The following ROBO2 variants were observed in gnomAD, a reference collection of about 807,000 sequenced individuals.
ROBO2 encodes the protein roundabout guidance receptor 2, also known as roundabout homolog 2.
In ROBO2, 53 loss-of-function variants were observed where a neutral mutation model predicts 160.8. That is an observed-to-expected ratio of 0.33 (90% CI 0.26 to 0.41). The LOEUF (loss-of-function observed/expected upper bound fraction) is 0.41, where lower values mean the gene tolerates loss of function less well. ROBO2 is among the 10% of genes least tolerant of loss of function. The pLI is 1.00. For missense variants in ROBO2, 1,577 were observed against 1,722.4 expected (o/e 0.92, Z 1.49); for synonymous variants, 664 against 611.7 (o/e 1.09, Z -1.26).
exon 10 of ROBO2, chr3:77,562,668 T>G: frequency 6.2e-7 from 1 of 1,612,598 alleles, no homozygotes; most frequent in South Asian, 1.1e-5. Context: ...ATACTGGCAC[T>G]TATACTTGTG....
intron 2 of ROBO2, among the ~76,000 whole-genome samples, chr3:77,373,778 C>T (rs538907158): frequency 1.3e-5 from 2 of 151,704 alleles, no homozygotes; most frequent in Admixed American, 1.3e-4. Context: ...GGGTCATCTC[C>T]CCTACCTTGC....
chr3:76,295,153 C>G (rs1039305975), intron 2 of ROBO2, among the ~76,000 whole-genome samples: 1 of 152,122 alleles, frequency 6.6e-6, no homozygotes, highest in East Asian at 1.9e-4. Context: ...ACTTTGACTC[C>G]TGTACTCCAC....
chr3:76,358,432 T>G (rs2075305387), intron 2 of ROBO2, among the ~76,000 whole-genome samples: 1 of 152,044 alleles, frequency 6.6e-6, no homozygotes, highest in Non-Finnish European at 1.5e-5. Context: ...TTTACTAGAG[T>G]ACTAACTTGT....
chr3:76,623,107 A>G (rs2089347203), intron 2 of ROBO2, among the ~76,000 whole-genome samples: 1 of 152,114 alleles, frequency 6.6e-6, no homozygotes, highest in African/African-American at 2.4e-5. Flanking sequence ...GGCTTTTTCT[A>G]CTGTGCTCCC....
chr3:77,345,940 G>A (rs532525460), intron 2 of ROBO2, among the ~76,000 whole-genome samples: 54 of 152,276 alleles, frequency 3.5e-4, no homozygotes, highest in African/African-American at 1.3e-3. Flanking sequence ...TGGCGGCTAA[G>A]ATGGTACATC....
At chr3:77,316,455 G>T (rs930586387) in intron 2 of ROBO2, among the ~76,000 whole-genome samples, 3 of 152,076 alleles carry the variant, frequency 2.0e-5, no homozygotes, top group African/African-American at 7.2e-5. Flanking sequence ...AATTTACAAA[G>T]TGCCTACATA....
At chr3:75,955,274 C>G (rs901694393) in intron 2 of ROBO2, among the ~76,000 whole-genome samples, 29 of 151,670 alleles carry the variant, frequency 1.9e-4, no homozygotes, top group African/African-American at 7.0e-4. Context: ...CACTTAAGCT[C>G]GTGTTTTCAA....
Position 76,032,831 on chromosome 3 carries a change from C to T in ROBO2, c.109+95229C>T, listed in dbSNP as rs540278333. ...CTATGGCATGCTAGTTTAAAAATTA[C>T]GTATTGAGTGGTCCAAACAGACCAT... On this transcript the variant is annotated intron_variant, in intron 2 of 26. Coordinates refer to the ROBO2 transcript ENST00000487694. Among the ~76,000 whole-genome samples the T allele has an allele frequency of 7.9e-5, 12 of 152,212 alleles. 1 individual carries two copies. In the South Asian group the frequency reaches 1.0e-3, roughly 13 times the overall value.
chr3:76,418,328 C>CCTT (rs2075842681), intron 2 of ROBO2, among the ~76,000 whole-genome samples: 1 of 151,280 alleles, frequency 6.6e-6, no homozygotes, highest in Admixed American at 6.6e-5. Context: ...ACTACAACCT[C>CCTT]ATCCTGGGTT....
intron 2 of ROBO2, among the ~76,000 whole-genome samples, chr3:76,556,030 G>T (rs528817210): frequency 1.3e-5 from 2 of 152,256 alleles, no homozygotes; most frequent in Admixed American, 1.3e-4. Flanking sequence ...AACTCAGGAG[G>T]CAGAGGTTGC....
At chr3:77,246,496 T>A (rs2089746104) in intron 2 of ROBO2, among the ~76,000 whole-genome samples, 1 of 152,090 alleles carries the variant, frequency 6.6e-6, no homozygotes, top group Admixed American at 6.6e-5. Flanking sequence ...GATCACTTAG[T>A]GGTCAGGCCA....
At chr3:76,152,524 G>A (rs1308027013) in intron 2 of ROBO2, among the ~76,000 whole-genome samples, 2 of 151,958 alleles carry the variant, frequency 1.3e-5, no homozygotes, top group Non-Finnish European at 2.9e-5. Context: ...TTGTAGGTAG[G>A]GATTTGGGGA....
intron 2 of ROBO2, among the ~76,000 whole-genome samples, chr3:76,570,686 G>A (rs984276675): frequency 2.0e-5 from 3 of 152,074 alleles, no homozygotes; most frequent in African/African-American, 7.2e-5. Flanking sequence ...GAAATTTAAG[G>A]AAGGTAATCT....
At chr3:76,475,378 A>T (rs1321218172) in intron 2 of ROBO2, among the ~76,000 whole-genome samples, 1 of 152,080 alleles carries the variant, frequency 6.6e-6, no homozygotes, top group Non-Finnish European at 1.5e-5. Flanking sequence ...GGCCAAGGAG[A>T]GACACTGACC....
intron 2 of ROBO2, among the ~76,000 whole-genome samples, chr3:76,738,109 A>T (rs267141): frequency 1.3e-5 from 2 of 151,860 alleles, no homozygotes; most frequent in African/African-American, 4.8e-5. Context: ...ACTCCAGCCC[A>T]GGTGACACAG....
At chr3:76,793,288 G>A (rs968332113) in intron 2 of ROBO2, among the ~76,000 whole-genome samples, 1 of 151,706 alleles carries the variant, frequency 6.6e-6, no homozygotes, top group Middle Eastern at 3.2e-3. Context: ...TATCCTAGAA[G>A]CCTCTTTATT....
At chr3:77,338,899 A>G (rs556177650) in intron 2 of ROBO2, among the ~76,000 whole-genome samples, 12 of 152,180 alleles carry the variant, frequency 7.9e-5, no homozygotes, top group Middle Eastern at 3.4e-3. Context: ...CAGTGTATTG[A>G]TAGAGTTGAT....
At chr3:77,645,555 A>G (rs1442676854) in intron 25 of ROBO2, among the ~76,000 whole-genome samples, 1 of 152,186 alleles carries the variant, frequency 6.6e-6, no homozygotes, top group Non-Finnish European at 1.5e-5. Flanking sequence ...ACAGCTTTGC[A>G]TTATCAGAAA....
intron 2 of ROBO2, among the ~76,000 whole-genome samples, chr3:77,447,437 A>T (rs1396550742): frequency 6.6e-6 from 1 of 152,104 alleles, no homozygotes; most frequent in Non-Finnish European, 1.5e-5. Flanking sequence ...CACTAAATTA[A>T]AATAGACTGT....
Sources: allele counts gnomAD v4.1 joint callset (sites outside exome capture counted in the v4.1 genomes callset), GRCh38; gene constraint gnomAD v4.1.1; transcripts MANE v1.5; gene names NCBI Gene and HGNC (gene_info 2026-07-23, HGNC 2026-07-21).